TJP3: variants seen among roughly 807,000 people sequenced by gnomAD.
TJP3 encodes the protein tight junction protein ZO-3.
A neutral mutation model predicts 104.2 loss-of-function variants in TJP3; 85 were observed. That is an observed-to-expected ratio of 0.82 (90% CI 0.68 to 0.98). The LOEUF (loss-of-function observed/expected upper bound fraction) is 0.98, where lower values mean the gene tolerates loss of function less well. Among genes scored for constraint, TJP3 ranks in the 50% least tolerant of loss-of-function variants. The pLI, the probability that TJP3 is intolerant of heterozygous loss-of-function variation, is 0.00. For synonymous variants in TJP3, 550 were observed against 550.6 expected, an observed-to-expected ratio of 1.00 and a Z score of 0.02; for missense variants, 1,367 against 1,322.8, an observed-to-expected ratio of 1.03 and a Z score of -0.52.
Position 3,708,573 on chromosome 19 carries a change from G to T in TJP3, c.-10+12G>T, listed in dbSNP as rs1426866877. ...AGCCTCCTAGACAGGTAAGTCCCCC[G>T]CCCCACTGTGCTTTTCCACCCAGTG... On this transcript the variant is annotated intron_variant, in intron 1 of 20. Coordinates refer to ENST00000541714, the MANE Select transcript of TJP3 (RefSeq NM_001267560.2). The T allele has an allele frequency of 2.6e-5, 4 of 151,948 alleles. No homozygotes were observed. The highest frequency in any genetic ancestry group is 2.6e-4 in the Admixed American group (4 of 15,250). 9.4% of individuals were successfully genotyped at this position (151,948 alleles called of 1,614,324 possible). A position where few individuals can be genotyped will look rare whatever the true frequency, so the allele number is the denominator to read the frequency against.
chr19:3,732,134 C>A, intron 6 of TJP3, 96 bp downstream of exon 6: 3 of 986,348 alleles, frequency 3.0e-6, no homozygotes, highest in South Asian at 1.8e-5. Context: ...CAGAACTGGG[C>A]CCCAAAGCAT....
chr19:3,710,184 G>T (rs1204064790), intron 1 of TJP3, among the ~76,000 whole-genome samples: 1 of 151,382 alleles, frequency 6.6e-6, no homozygotes. Context: ...GGGGGATATG[G>T]AGTCACCAAG....
At chr19:3,731,823 C>T (rs907724095) in intron 5 of TJP3, 112 bp from the exon 6 acceptor site, 3 of 732,524 alleles carry the variant, frequency 4.1e-6, no homozygotes, top group African/African-American at 1.8e-5. Flanking sequence ...CTTATGATGC[C>T]ATCAAGGTGT....
At chr19:3,719,015 C>T (rs959138124) in intron 1 of TJP3, among the ~76,000 whole-genome samples, 3 of 151,802 alleles carry the variant, frequency 2.0e-5, no homozygotes, top group Admixed American at 6.6e-5. Context: ...GAAACCCCGT[C>T]TCTACTAAAA....
chr19:3,744,599 G>A (rs1323966826), intron 15 of TJP3, among the ~76,000 whole-genome samples: 4 of 151,782 alleles, frequency 2.6e-5, no homozygotes, highest in Non-Finnish European at 5.9e-5. Flanking sequence ...GTGAGGCAGA[G>A]GTTGCAGTGA....
chr19:3,738,733 G>A, intron 12 of TJP3, 70 bp downstream of exon 12: 2 of 1,433,570 alleles, frequency 1.4e-6, no homozygotes, highest in Non-Finnish European at 1.9e-6. Context: ...GCCTGGTGGT[G>A]AGTGCAGGGA....
In TJP3 at chr19:3,747,876, G is replaced by A. The variant is rs200778339; in HGVS notation, c.2405G>A (p.Arg802His). The A allele has an allele frequency of 2.4e-5, 39 of 1,612,976 alleles. No homozygotes were observed. Among genetic ancestry groups the A allele is most frequent in the Middle Eastern group, 1.7e-4 (1 of 5,920 alleles). Residue 802 changes from arginine (R) to histidine (H), a missense_variant, in exon 19 of 21, where the codon CGC becomes CAC. Physicochemically the swap from Arg to His is conservative, Grantham distance 29. Transcript: ENST00000541714. Reference sequence around the variant, plus strand: ...TCCGCTGACCTCAGCTGCGACAGCCGCGTTAACAGCGACTACGAGACGGAC... The same window carrying A: ...TCCGCTGACCTCAGCTGCGACAGCCACGTTAACAGCGACTACGAGACGGAC... ...DSSADLSCDS[R>H]VNSDYETDGE...
chr19:3,750,147 C>T lies in TJP3; in HGVS notation c.2620C>T (p.Arg874Cys), dbSNP rs375421040. 20 of 1,613,940 alleles carry T rather than the reference C, an allele frequency of 1.2e-5. No individual in the cohort carries two copies. The highest frequency in any genetic ancestry group is 5.0e-5 in the Admixed American group (3 of 59,988). The change falls in exon 20 of 21, where the codon CGC becomes TGC. Residue 874 changes from arginine to cysteine, a missense_variant. Transcript: ENST00000541714. ...CTCCCTCTCCTCCAAGGTGGACAGC[C>T]GCCACCCCCAGGGACAGTGGCGACA... ...SAHQGAQVDS[R>C]HPQGQWRQDS...
At chr19:3,725,873 C>T (rs562001647) in intron 1 of TJP3, among the ~76,000 whole-genome samples, 10 of 152,298 alleles carry the variant, frequency 6.6e-5, no homozygotes, top group Admixed American at 6.5e-4. Context: ...TGGGAGAGGC[C>T]CCGCCATAGC....
At chr19:3,736,867 C>G (rs569583957) in intron 11 of TJP3, among the ~76,000 whole-genome samples, 6 of 141,714 alleles carry the variant, frequency 4.2e-5, no homozygotes, top group Admixed American at 1.5e-4. Flanking sequence ...TGAGCCACTG[C>G]GCCTGGCTAA....
intron 1 of TJP3, among the ~76,000 whole-genome samples, chr19:3,711,371 G>A (rs553393090): frequency 7.5e-6 from 1 of 132,718 alleles, no homozygotes; most frequent in Non-Finnish European, 1.6e-5. Context: ...GCTAATTTTT[G>A]TATTTTTAGT....
chr19:3,738,751 G>T, intron 12 of TJP3, 88 bp downstream of exon 12: 1 of 1,360,332 alleles, frequency 7.4e-7, no homozygotes, highest in South Asian at 1.3e-5. Flanking sequence ...GGATGTGGTT[G>T]AATCTGCATC....
At position 3,731,852 on chromosome 19, in the gene TJP3, A is replaced by C. The variant is rs1599153220; in HGVS notation, c.614-83A>C. 2.6e-6 allele frequency: 3 copies of C among 1,168,918 alleles called. No individual in the cohort carries two copies. In the East Asian group the frequency reaches 7.4e-5, roughly 29 times the overall value. 72.4% of individuals were successfully genotyped at this position (1,168,918 alleles called of 1,614,324 possible). Reference sequence around the variant, plus strand: ...AAGGTGTTAGGATGGGAGGGCCCGCACCTGGACTGCTTACAGCAGGAGAAT... The same window carrying C: ...AAGGTGTTAGGATGGGAGGGCCCGCCCCTGGACTGCTTACAGCAGGAGAAT... On this transcript the variant is annotated intron_variant, in intron 5 of 20. Coordinates refer to ENST00000541714, the MANE Select transcript of TJP3 (RefSeq NM_001267560.2).
intron 8 of TJP3, among the ~76,000 whole-genome samples, chr19:3,735,014 G>A (rs1018038521): frequency 2.0e-5 from 3 of 152,058 alleles, no homozygotes; most frequent in East Asian, 1.9e-4. Flanking sequence ...AGTCATGTGA[G>A]ACTGGCTAAT....
chr19:3,719,209 T>C (rs1335403339), intron 1 of TJP3, among the ~76,000 whole-genome samples: 1 of 151,508 alleles, frequency 6.6e-6, no homozygotes, highest in African/African-American at 2.4e-5. Context: ...CGCTGGACCT[T>C]AATCATCTAA....
chr19:3,721,196 G>GGCCCT (rs1440929284), intron 1 of TJP3, among the ~76,000 whole-genome samples: 2 of 152,078 alleles, frequency 1.3e-5, no homozygotes, highest in South Asian at 2.1e-4. Flanking sequence ...CACCGCGCCC[G>GGCCCT]GCCCTGCCCT....
Position 3,735,942 on chromosome 19 carries a change from A to G in TJP3, c.1127+7A>G. On this transcript the variant is annotated splice_region_variant and intron_variant, in intron 10 of 20. Transcript: ENST00000541714. ...AGAGCATGGAGGATCGTGGGTATGT[A>G]CCCCAGAAGAAAGCAAACCCGCTCA... 6.2e-7 allele frequency: 1 copy of G among 1,613,964 alleles called. No individual in the cohort carries two copies.
intron 8 of TJP3, among the ~76,000 whole-genome samples, chr19:3,734,717 G>A (rs1001205348): frequency 2.0e-5 from 3 of 152,196 alleles, no homozygotes; most frequent in Non-Finnish European, 4.4e-5. Flanking sequence ...CACTTTGGGA[G>A]GCCGAGGAGG....
chr19:3,734,485 G>A, intron 8 of TJP3, 50 bp downstream of exon 8: 5 of 1,521,892 alleles, frequency 3.3e-6, no homozygotes, highest in South Asian at 1.2e-5. Context: ...AGAGGGAGGT[G>A]GGAGGGAGAG....
Sources: allele counts gnomAD v4.1 joint callset (sites outside exome capture counted in the v4.1 genomes callset), GRCh38; gene constraint gnomAD v4.1.1; transcripts MANE v1.5; gene names NCBI Gene and HGNC (gene_info 2026-07-23, HGNC 2026-07-21).